Variants in COMMD1 observed in about 807,000 individuals in gnomAD.
COMMD1 encodes COMM domain-containing protein 1.
Under a neutral mutation model 17.2 loss-of-function variants are expected in COMMD1, and 10 were observed. The observed-to-expected ratio is 0.58, with a 90% CI of 0.36 to 0.99. The LOEUF is 0.99. Among genes scored for constraint, COMMD1 ranks in the 50% least tolerant of loss-of-function variants. COMMD1 has a pLI of 0.01. For synonymous variants in COMMD1, 97 were observed against 91.6 expected (o/e 1.06, Z -0.34); for missense variants, 270 against 231.8 (o/e 1.17, Z -1.07).
chr2:61,895,227 C>G (rs1203341816), intron 1 of COMMD1, among the ~76,000 whole-genome samples: 1 of 152,166 alleles, frequency 6.6e-6, no homozygotes, highest in Admixed American at 6.5e-5. Flanking sequence ...TCACTTGTGT[C>G]TCCCCACAGC....
chr2:61,937,503 T>C (rs554532985), intron 1 of COMMD1, among the ~76,000 whole-genome samples: 1 of 152,324 alleles, frequency 6.6e-6, no homozygotes, highest in Admixed American at 6.5e-5. Context: ...ACAAGACTTA[T>C]AGCCAATTAA....
chr2:61,983,342 ACCACG>A (rs1672008602), intron 1 of COMMD1, among the ~76,000 whole-genome samples: 1 of 151,714 alleles, frequency 6.6e-6, no homozygotes, highest in South Asian at 2.1e-4. Flanking sequence ...GGCACGTGCC[ACCACG>A]CCTGGCTAAT....
chr2:62,135,846 T>C lies in COMMD1; in HGVS notation c.478T>C (p.Cys160Arg). Residue 160 changes from cysteine to arginine, a missense_variant, in exon 3 of 3, where the codon TGT becomes CGT. By Grantham distance (180) the Cys-to-Arg change is radical. Transcript: ENST00000311832. Reference sequence around the variant, plus strand: ...TGTTTTCCAGGAATCTGAATTTCTGTGTTTGGAATTTGATGAGGTCAAAGT... The same window carrying C: ...TGTTTTCCAGGAATCTGAATTTCTGCGTTTGGAATTTGATGAGGTCAAAGT... ...GKYGQESEFL[C>R]LEFDEVKVNQ... is the part of the protein sequence containing the mutation. 3 of 1,553,382 alleles carry C rather than the reference T, an allele frequency of 1.9e-6. No homozygotes were observed. Among genetic ancestry groups the C allele is most frequent in the African/African-American group, 1.4e-5 (1 of 73,982 alleles).
chr2:61,899,920 C>T (rs780899439), intron 1 of COMMD1, among the ~76,000 whole-genome samples: 10 of 152,174 alleles, frequency 6.6e-5, no homozygotes. Context: ...GATCCGCCCA[C>T]CTTGGTTTCC....
At chr2:62,035,032 AG>A (rs1428563685) in intron 2 of COMMD1, among the ~76,000 whole-genome samples, 1 of 152,236 alleles carries the variant, frequency 6.6e-6, no homozygotes, top group Non-Finnish European at 1.5e-5. Context: ...TGAAGCATGT[AG>A]GAAGTTTGGG....
intron 2 of COMMD1, among the ~76,000 whole-genome samples, chr2:62,004,504 A>G (rs886924829): frequency 1.3e-5 from 2 of 152,074 alleles, no homozygotes; most frequent in African/African-American, 2.4e-5. Flanking sequence ...GGGTTTCACC[A>G]TCTTGGCCAG....
intron 2 of COMMD1, among the ~76,000 whole-genome samples, chr2:62,062,956 T>C (rs1365684202): frequency 1.3e-5 from 2 of 151,654 alleles, no homozygotes; most frequent in African/African-American, 2.4e-5. Context: ...TGGTGGCTCA[T>C]GCCTGTAATC....
chr2:61,976,953 G>C (rs778301599), intron 1 of COMMD1, among the ~76,000 whole-genome samples: 1 of 150,200 alleles, frequency 6.7e-6, no homozygotes, highest in Admixed American at 6.6e-5. Flanking sequence ...CTCAGCCTCC[G>C]GAGTAGCTGG....
chr2:61,951,745 A>G (rs964607968), intron 1 of COMMD1, among the ~76,000 whole-genome samples: 11 of 152,184 alleles, frequency 7.2e-5, no homozygotes, highest in African/African-American at 2.2e-4. Flanking sequence ...GAACATATCT[A>G]TCACTCCCAA....
intron 2 of COMMD1, among the ~76,000 whole-genome samples, chr2:62,043,197 A>C (rs1281030076): frequency 6.6e-6 from 1 of 152,250 alleles, no homozygotes; most frequent in East Asian, 1.9e-4. Context: ...TACCTTGGCC[A>C]GGTGGAGATT....
At chr2:61,982,699 C>T (rs181715439) in intron 1 of COMMD1, among the ~76,000 whole-genome samples, 46 of 151,724 alleles carry the variant, frequency 3.0e-4, no homozygotes, top group African/African-American at 1.1e-3. Context: ...TAGCACTAGC[C>T]ATCTCATCCC....
chr2:62,035,387 TC>T (rs1290777775), intron 2 of COMMD1, among the ~76,000 whole-genome samples: 4 of 152,176 alleles, frequency 2.6e-5, no homozygotes, highest in Non-Finnish European at 2.9e-5. Flanking sequence ...GATTCCCAGT[TC>T]TATGTTTGTG....
At chr2:62,014,683 T>G (rs1183247130) in intron 2 of COMMD1, among the ~76,000 whole-genome samples, 1 of 147,876 alleles carries the variant, frequency 6.8e-6, no homozygotes, top group Admixed American at 6.8e-5. Flanking sequence ...TGTCTCAGCC[T>G]CCCGAGTAGC....
chr2:62,112,927 T>C (rs1053259003), intron 2 of COMMD1, among the ~76,000 whole-genome samples: 1 of 152,206 alleles, frequency 6.6e-6, no homozygotes, highest in Non-Finnish European at 1.5e-5. Context: ...ATGCAAAGAC[T>C]CTTTTCTAAC....
chr2:61,980,913 G>A (rs1558546742), intron 1 of COMMD1, among the ~76,000 whole-genome samples: 2 of 152,154 alleles, frequency 1.3e-5, no homozygotes, highest in Non-Finnish European at 2.9e-5. Context: ...CAATGATGTT[G>A]AGCATCTTTT....
intron 2 of COMMD1, among the ~76,000 whole-genome samples, chr2:62,109,226 T>C (rs1346707069): frequency 6.6e-6 from 1 of 152,210 alleles, no homozygotes; most frequent in African/African-American, 2.4e-5. Flanking sequence ...CAGAAAGTAA[T>C]TTTCTGATCT....
intron 2 of COMMD1, chr2:62,118,788 C>G (rs1047975370): frequency 4.6e-5 from 7 of 152,202 alleles, no homozygotes; most frequent in African/African-American, 1.4e-4. Flanking sequence ...GGCTGGCAGA[C>G]CTGGGCAATT....
At chr2:62,099,492 CAT>C (rs1370838779) in intron 2 of COMMD1, among the ~76,000 whole-genome samples, 1 of 152,086 alleles carries the variant, frequency 6.6e-6, no homozygotes, top group East Asian at 1.9e-4. Flanking sequence ...AATTATTAAA[CAT>C]AAACCCAGCT....
intron 2 of COMMD1, chr2:62,118,932 A>T (rs142024855): frequency 6.6e-6 from 1 of 152,234 alleles, no homozygotes; most frequent in East Asian, 1.9e-4. Context: ...CACTTACCAG[A>T]TGCTTGATAA....
Sources: allele counts gnomAD v4.1 joint callset (sites outside exome capture counted in the v4.1 genomes callset), GRCh38; gene constraint gnomAD v4.1.1; transcripts MANE v1.5; gene names NCBI Gene and HGNC (gene_info 2026-07-23, HGNC 2026-07-21).